The following ZNF367 variants were observed in gnomAD, a reference collection of about 807,000 sequenced individuals.
ZNF367 encodes zinc finger protein 367, also known as C2H2 zinc finger protein ZFF29.
In ZNF367, 11 loss-of-function variants were observed where a neutral mutation model predicts 31.8. That is an observed-to-expected ratio of 0.35 (90% CI 0.22 to 0.57). The LOEUF (loss-of-function observed/expected upper bound fraction) is 0.57, where lower values mean the gene tolerates loss of function less well. Ranked by LOEUF, ZNF367 falls within the 20% of genes least tolerant of loss-of-function variation. The pLI is 0.85. For synonymous variants in ZNF367, 199 were observed against 202.4 expected, an observed-to-expected ratio of 0.98 and a Z score of 0.14; for missense variants, 353 against 484.1, an observed-to-expected ratio of 0.73 and a Z score of 2.54.
intron 3 of ZNF367, among the ~76,000 whole-genome samples, chr9:96,393,748 T>G (rs936632843): frequency 7.9e-5 from 12 of 152,068 alleles, no homozygotes; most frequent in Admixed American, 6.6e-4. Context: ...GGAGAATCGC[T>G]TGAACCCAGG....
At position 96,417,681 on chromosome 9, in the gene ZNF367, C is replaced by T; in HGVS notation, c.352G>A (p.Ala118Thr). 3 of 1,117,174 alleles carry T rather than the reference C, an allele frequency of 2.7e-6. No homozygotes were observed. Among genetic ancestry groups the T allele is most frequent in the South Asian group, 4.5e-5 (1 of 22,442 alleles). 69.2% of individuals were successfully genotyped at this position (1,117,174 alleles called of 1,614,324 possible). A position where few individuals can be genotyped will look rare whatever the true frequency, so the allele number is the denominator to read the frequency against. Residue 118 changes from alanine (A) to threonine (T), a missense_variant, in exon 1 of 5, where the codon GCC (alanine) becomes ACC (threonine). This residue lies in a region of ZNF367 where 70 missense variants were observed against 57.1 expected (regional missense o/e 1.23). Transcript: ENST00000375256. The surrounding 1 kb of genome is among the most constrained non-coding windows in gnomAD (Gnocchi z 5.0). ...TCACCTCCCGAGGCGGCGGCGGAGGCCGAGGCGGCGGGCGGGGGCGCGCCC... is the reference window on the plus strand; with the variant it reads ...TCACCTCCCGAGGCGGCGGCGGAGGTCGAGGCGGCGGGCGGGGGCGCGCCC... Reference protein sequence around the residue: ...GRGAPPPAASASAAASGGEDE... With the variant: ...GRGAPPPAASTSAAASGGEDE...
intron 1 of ZNF367, among the ~76,000 whole-genome samples, chr9:96,401,495 T>TA (rs1831603333): frequency 6.6e-6 from 1 of 151,572 alleles, no homozygotes; most frequent in Admixed American, 6.6e-5. Flanking sequence ...CTGTCTCTAC[T>TA]AAAAATACAA....
At chr9:96,402,204 C>T (rs377041339) in intron 1 of ZNF367, among the ~76,000 whole-genome samples, 5 of 149,768 alleles carry the variant, frequency 3.3e-5, no homozygotes, top group African/African-American at 4.9e-5. Context: ...TGCAGTGAGC[C>T]GAGTTCGCAC....
Position 96,417,535 on chromosome 9 carries a change from A to G in ZNF367, c.420+78T>C. ...TAGCCGGATCGACCTCGCGTTTTCA[A>G]CTCCGCCCCGCCCGCCGCACCGTTA... On this transcript the variant is annotated intron_variant, in intron 1 of 4. Coordinates refer to ENST00000375256, the MANE Select transcript of ZNF367 (RefSeq NM_153695.4). The surrounding 1 kb of genome is among the most constrained non-coding windows in gnomAD (Gnocchi z 5.0). The G allele has an allele frequency of 3.4e-6, 1 of 290,218 alleles. No homozygotes were observed. Among genetic ancestry groups the G allele is most frequent in the Non-Finnish European group, 6.3e-6 (1 of 159,564 alleles). 18.0% of individuals were successfully genotyped at this position (290,218 alleles called of 1,614,324 possible).
intron 2 of ZNF367, among the ~76,000 whole-genome samples, chr9:96,397,844 C>T (rs1160754837): frequency 6.6e-6 from 1 of 152,160 alleles, no homozygotes; most frequent in Admixed American, 6.5e-5. Context: ...GTAATCCCAG[C>T]ACTTTGGGAG....
Position 96,388,382 on chromosome 9 carries a change from T to A in ZNF367, c.908A>T (p.Asp303Val), listed in dbSNP as rs1354527591. The A allele has an allele frequency of 1.3e-5, 21 of 1,613,886 alleles. No individual in the cohort carries two copies. Among genetic ancestry groups the A allele is most frequent in the Non-Finnish European group, 1.7e-5 (20 of 1,180,036 alleles). ...ATCAGACTGAAGGTATTCCAGAGGG[T>A]CCTGCTGCTCCTGATCAGCCTTCTG... is the stretch of plus-strand genomic sequence containing the variant. ...LVQKADQEQQ[D>V]PLEYLQSDEE... Residue 303 changes from aspartate (D) to valine (V), a missense_variant, in exon 5 of 5, where the codon GAC becomes GTC. Around this residue, in one of 5 missense-constraint regions of ZNF367, gnomAD observed 101 missense variants for 140.0 expected, o/e 0.72. Transcript: ENST00000375256.
chr9:96,391,035 T>C (rs1831466956), intron 4 of ZNF367, among the ~76,000 whole-genome samples: 2 of 152,116 alleles, frequency 1.3e-5, no homozygotes, highest in Non-Finnish European at 2.9e-5. Flanking sequence ...CCTAGAATTG[T>C]CCATCTAAAC....
chr9:96,409,490 T>C (rs1334257257), intron 1 of ZNF367, among the ~76,000 whole-genome samples: 1 of 152,202 alleles, frequency 6.6e-6, no homozygotes, highest in African/African-American at 2.4e-5. Flanking sequence ...GCAGCCTGCT[T>C]TTTAGCCTGA....
Position 96,417,520 on chromosome 9 carries a change from G to A in ZNF367, c.420+93C>T, listed in dbSNP as rs1243900482. On this transcript the variant is annotated intron_variant, in intron 1 of 4. Coordinates refer to ENST00000375256, the MANE Select transcript of ZNF367 (RefSeq NM_153695.4). This position sits in a 1 kb window ranked among gnomAD's most constrained non-coding sequence, Gnocchi z 5.0. ...CCGCAGCCCCCGCCGTAGCCGGATC[G>A]ACCTCGCGTTTTCAACTCCGCCCCG... 3 of 265,408 alleles carry A rather than the reference G, an allele frequency of 1.1e-5. No homozygotes were observed. The highest frequency in any genetic ancestry group is 2.1e-5 in the Non-Finnish European group (3 of 142,052). The allele number at this position is 265,408 out of a possible 1,614,324, so 16.4% of individuals were successfully genotyped here.
intron 4 of ZNF367, 93 bp downstream of exon 4, chr9:96,392,305 G>C: frequency 6.4e-7 from 1 of 1,565,608 alleles, no homozygotes; most frequent in Non-Finnish European, 8.8e-7. Flanking sequence ...TATAAATGCA[G>C]CTTATTTAAA....
intron 1 of ZNF367, among the ~76,000 whole-genome samples, chr9:96,411,193 A>C (rs1564144855): frequency 1.3e-5 from 2 of 152,072 alleles, no homozygotes; most frequent in Non-Finnish European, 2.9e-5. Context: ...ACAAACAAAC[A>C]AAAAAACCTT....
chr9:96,392,417 C>T lies in ZNF367; in HGVS notation c.811G>A (p.Ala271Thr), dbSNP rs925466166. The T allele has an allele frequency of 3.1e-6, 5 of 1,614,090 alleles. No homozygotes were observed. The highest frequency in any genetic ancestry group is 4.2e-6 in the Non-Finnish European group (5 of 1,180,048). ...CCTGACCTCGCCAGCCACTCGGCCG[C>T]GGCCTTGTTGTCGGCAGCCTGATGT... The part of the protein sequence containing the change: ...SKHQAADNKA[A>T]AEWLARYWEM... Residue 271 changes from alanine (A) to threonine (T), a missense_variant, in exon 4 of 5, where the codon GCG becomes ACG. Physicochemically the swap from Ala to Thr is moderately conservative, Grantham distance 58. Transcript: ENST00000375256.
intron 1 of ZNF367, 46 bp from the exon 2 acceptor site, chr9:96,398,360 C>T: frequency 1.3e-6 from 2 of 1,523,060 alleles, no homozygotes; most frequent in Non-Finnish European, 1.8e-6. Flanking sequence ...TTTAACGCTA[C>T]TCATTAAAGC....
intron 1 of ZNF367, among the ~76,000 whole-genome samples, chr9:96,413,819 G>A (rs1053757686): frequency 2.6e-5 from 4 of 152,154 alleles, no homozygotes; most frequent in African/African-American, 7.2e-5. Context: ...CTGACACAGG[G>A]TGTGCAGGAC....
At position 96,386,744 on chromosome 9, in the gene ZNF367, C is replaced by T. The variant is rs1341011254; in HGVS notation, c.*1493G>A. ...AGACATTTACATGCCTCCCCTTCCC[C>T]GTGGCTACATATTTTAAACTATCTG... On this transcript the variant is annotated 3_prime_UTR_variant, in exon 5 of 5. Coordinates refer to ENST00000375256, the MANE Select transcript of ZNF367 (RefSeq NM_153695.4). 2.6e-5 allele frequency: 4 copies of T among 152,126 alleles called. No homozygotes were observed. The highest frequency in any genetic ancestry group is 5.9e-5 in the Non-Finnish European group (4 of 68,014). 9.4% of individuals were successfully genotyped at this position (152,126 alleles called of 1,614,324 possible). A position where few individuals can be genotyped will look rare whatever the true frequency, so the allele number is the denominator to read the frequency against.
At position 96,416,093 on chromosome 9, in the gene ZNF367, T is replaced by G. The variant is rs548886374; in HGVS notation, c.420+1520A>C. Reference sequence around the variant, plus strand: ...TATGGTTTTTTTTTTTGTTGTTTTTTTTTTTTTTTTTTGAGACGGATTCTC... The same window carrying G: ...TATGGTTTTTTTTTTTGTTGTTTTTGTTTTTTTTTTTTGAGACGGATTCTC... On this transcript the variant is annotated intron_variant, in intron 1 of 4. Transcript: ENST00000375256. 2.6e-3 allele frequency among the ~76,000 whole-genome samples: 384 copies of G among 148,390 alleles called. 1 individual carries two copies. Among genetic ancestry groups the G allele is most frequent in the African/African-American group, 8.6e-3 (343 of 39,772 alleles).
intron 1 of ZNF367, chr9:96,407,398 G>T (rs1831684381): frequency 4.3e-5 from 64 of 1,486,840 alleles, no homozygotes; most frequent in Non-Finnish European, 6.0e-5. Context: ...TTCAAAGAAG[G>T]CAAAGAAAAT....
At chr9:96,396,195 C>T (rs914765949) in intron 2 of ZNF367, among the ~76,000 whole-genome samples, 7 of 152,112 alleles carry the variant, frequency 4.6e-5, no homozygotes, top group African/African-American at 1.2e-4. Context: ...GTGATCAGGA[C>T]GGCACTCAGC....
At chr9:96,399,078 G>A (rs765384426) in intron 1 of ZNF367, among the ~76,000 whole-genome samples, 6 of 152,158 alleles carry the variant, frequency 3.9e-5, no homozygotes, top group Non-Finnish European at 5.9e-5. Flanking sequence ...GTTTCTTTTG[G>A]AAATTTGGGC....
Sources: gnomAD v4.1 joint callset for allele counts (sites outside exome capture counted in the v4.1 genomes callset) on GRCh38, gnomAD v4.1.1 for gene constraint, gnomAD v4.1.1 regional missense constraint, Gnocchi (gnomAD v3.1) non-coding constraint, MANE v1.5 for transcripts, NCBI Gene and HGNC (gene_info 2026-07-23, HGNC 2026-07-21) for gene names.